NOVA2: variants seen among roughly 807,000 people sequenced by gnomAD.
NOVA2 encodes RNA-binding protein Nova-2.
Under a neutral mutation model 22.5 loss-of-function variants are expected in NOVA2, and 9 were observed. The observed-to-expected ratio is 0.40, with a 90% CI of 0.24 to 0.70. The LOEUF (loss-of-function observed/expected upper bound fraction) is 0.70, where lower values mean the gene tolerates loss of function less well. Ranked by LOEUF, NOVA2 falls within the 30% of genes least tolerant of loss-of-function variation. NOVA2 has a pLI of 0.38. For missense variants in NOVA2, 383 were observed against 682.8 expected, an observed-to-expected ratio of 0.56 and a Z score of 4.89; for synonymous variants, 318 against 335.2, an observed-to-expected ratio of 0.95 and a Z score of 0.56.
Position 45,940,554 on chromosome 19 carries a change from GC to G in NOVA2, c.787del (p.Ala263ProfsTer133). On this transcript the variant is annotated frameshift_variant, in exon 4 of 4. Transcript: ENST00000263257. LOFTEE classifies it low-confidence loss of function (END_TRUNC). The stretch of plus-strand genomic sequence containing the variant: ...GAAGGCGGGCAGCGCGGCGGGAAAG[GC>G]CCCCACGCCAGCCAGCCCGGCGGGG... ...LGPAGLAGVG[A>X]FPAALPAFSG... The G allele has an allele frequency of 6.8e-7, 1 of 1,470,936 alleles. No individual in the cohort carries two copies. 91.1% of individuals were successfully genotyped at this position (1,470,936 alleles called of 1,614,324 possible).
chr19:45,949,803 C>T (rs1251093673), intron 3 of NOVA2, among the ~76,000 whole-genome samples: 2 of 147,658 alleles, frequency 1.4e-5, no homozygotes, highest in Non-Finnish European at 3.0e-5. Flanking sequence ...TGCAGTGGTG[C>T]GATCTTGCCT....
rs1354636501 is a variant in NOVA2 at position 45,936,849 on chromosome 19, C to T, written c.*3014G>A. 6.6e-6 allele frequency: 1 copy of T among 151,984 alleles called. No homozygotes were observed. Among genetic ancestry groups the T allele is most frequent in the Non-Finnish European group, 1.5e-5 (1 of 68,006 alleles). The allele number at this position is 151,984 out of a possible 1,614,324, so 9.4% of individuals were successfully genotyped here. A position where few individuals can be genotyped will look rare whatever the true frequency, so the allele number is the denominator to read the frequency against. Reference sequence around the variant, plus strand: ...GCTGAAGAGAAGGGTGCAAGGAGGCCACTCAGAGACTCTGAGATCGGATTG... The same window carrying T: ...GCTGAAGAGAAGGGTGCAAGGAGGCTACTCAGAGACTCTGAGATCGGATTG... On this transcript the variant is annotated 3_prime_UTR_variant, in exon 4 of 4. Transcript: ENST00000263257.
At chr19:45,958,520 AAT>A (rs1297605095) in intron 2 of NOVA2, among the ~76,000 whole-genome samples, 4 of 142,326 alleles carry the variant, frequency 2.8e-5, no homozygotes, top group African/African-American at 5.6e-5. Flanking sequence ...CATGTGTGAC[AAT>A]GTGTGACAGT....
chr19:45,965,131 A>T (rs970974731), intron 1 of NOVA2, among the ~76,000 whole-genome samples: 3 of 151,930 alleles, frequency 2.0e-5, no homozygotes, highest in Non-Finnish European at 4.4e-5. Context: ...CCTCTTCCCC[A>T]CCCTCACCCT....
chr19:45,941,749 TA>T (rs574548961), intron 3 of NOVA2, among the ~76,000 whole-genome samples: 1 of 152,140 alleles, frequency 6.6e-6, no homozygotes, highest in Admixed American at 6.5e-5. Context: ...AAATTTTTTT[TA>T]AAAAAATTGA....
chr19:45,961,179 G>T, intron 1 of NOVA2, 26 bp from the exon 2 acceptor site: 1 of 1,580,178 alleles, frequency 6.3e-7, no homozygotes, highest in Admixed American at 1.8e-5. Flanking sequence ...GGGTGGAGGG[G>T]AGTCAGCGGG....
At chr19:45,971,839 A>C (rs1968236137) in intron 1 of NOVA2, among the ~76,000 whole-genome samples, 2 of 150,332 alleles carry the variant, frequency 1.3e-5, no homozygotes, top group South Asian at 2.1e-4. Context: ...ACCCCAAAAA[A>C]CCCCACCTCT....
chr19:45,959,576 G>A (rs1024352857), intron 2 of NOVA2, among the ~76,000 whole-genome samples: 2 of 151,986 alleles, frequency 1.3e-5, no homozygotes, highest in Non-Finnish European at 1.5e-5. Context: ...GGGGAGTGGG[G>A]AAAACTGGGC....
At chr19:45,971,719 G>A (rs754223434) in intron 1 of NOVA2, among the ~76,000 whole-genome samples, 1 of 152,104 alleles carries the variant, frequency 6.6e-6, no homozygotes, top group Non-Finnish European at 1.5e-5. Flanking sequence ...TCTCCCATCC[G>A]GAGGAAAAGG....
chr19:45,941,344 A>T (rs1447521898), intron 3 of NOVA2, among the ~76,000 whole-genome samples: 1 of 151,172 alleles, frequency 6.6e-6, no homozygotes, highest in Non-Finnish European at 1.5e-5. Context: ...TTGTCTATCT[A>T]TATTAGTAGA....
At chr19:45,944,736 G>A (rs1410361684) in intron 3 of NOVA2, among the ~76,000 whole-genome samples, 1 of 152,178 alleles carries the variant, frequency 6.6e-6, no homozygotes, top group Non-Finnish European at 1.5e-5. Flanking sequence ...AGAATATGCA[G>A]ATCCACAGAG....
intron 2 of NOVA2, among the ~76,000 whole-genome samples, chr19:45,959,318 C>T (rs2146421335): frequency 6.6e-6 from 1 of 152,264 alleles, no homozygotes; most frequent in Admixed American, 6.5e-5. Flanking sequence ...GGGATGGGGG[C>T]TGACCACATG....
At chr19:45,953,202 C>G (rs1201556553) in intron 3 of NOVA2, among the ~76,000 whole-genome samples, 1 of 152,232 alleles carries the variant, frequency 6.6e-6, no homozygotes, top group Admixed American at 6.5e-5. Context: ...CCCTGCCACG[C>G]CCCTATGCCA....
rs1384893675 is a variant in NOVA2 at position 45,937,617 on chromosome 19, C to G, written c.*2246G>C. The stretch of plus-strand genomic sequence containing the variant: ...TTACATCAAGAATTGTTTTGGCACT[C>G]AGATCTCCATCTGGGTTCAGTCTGG... On this transcript the variant is annotated 3_prime_UTR_variant, in exon 4 of 4. Transcript: ENST00000263257. 6.6e-6 allele frequency: 1 copy of G among 151,964 alleles called. No homozygotes were observed. The highest frequency in any genetic ancestry group is 1.9e-4 in the East Asian group (1 of 5,166). The allele number at this position is 151,964 out of a possible 1,614,324, so 9.4% of individuals were successfully genotyped here. A position where few individuals can be genotyped will look rare whatever the true frequency, so the allele number is the denominator to read the frequency against.
In NOVA2 at chr19:45,940,516, G is replaced by A; in HGVS notation, c.826C>T (p.Leu276=). ...AALPAFSGTD[L]LAISTALNTL... is the part of the protein sequence containing the mutation. ...TTAAGCGCCGTGCTGATGGCCAGCA[G>A]GTCGGTGCCTGAGAAGGCGGGCAGC... Residue 276 remains leucine (L), a synonymous_variant, in exon 4 of 4, where the codon CTG becomes TTG. Coordinates refer to ENST00000263257, the MANE Select transcript of NOVA2 (RefSeq NM_002516.4). 1.3e-6 allele frequency: 2 copies of A among 1,515,540 alleles called. No homozygotes were observed. The highest frequency in any genetic ancestry group is 1.8e-6 in the Non-Finnish European group (2 of 1,132,966). The allele number at this position is 1,515,540 out of a possible 1,614,324, so 93.9% of individuals were successfully genotyped here.
rs1332755062 is a variant in NOVA2, at chr19:45,936,709, CCAGA to C, written c.*3150_*3153del. ...AAAAAAAATAGAAAGTCATAGGGAG[CCAGA>C]CAAAGAAAGGGAGGAAGACACTTGG... On this transcript the variant is annotated 3_prime_UTR_variant, in exon 4 of 4. Transcript: ENST00000263257. The C allele has an allele frequency of 1.3e-5, 2 of 151,566 alleles. No homozygotes were observed. Among genetic ancestry groups the C allele is most frequent in the South Asian group, 2.1e-4 (1 of 4,800 alleles). The allele number at this position is 151,566 out of a possible 1,614,324, so 9.4% of individuals were successfully genotyped here. A position where few individuals can be genotyped will look rare whatever the true frequency, so the allele number is the denominator to read the frequency against.
rs556102214 is a variant in NOVA2, at chr19:45,935,169, C to T, written c.*4694G>A. 1.3e-5 allele frequency: 2 copies of T among 151,286 alleles called. No homozygotes were observed. The highest frequency in any genetic ancestry group is 4.2e-4 in the South Asian group (2 of 4,744). The allele number at this position is 151,286 out of a possible 1,614,324, so 9.4% of individuals were successfully genotyped here. A position where few individuals can be genotyped will look rare whatever the true frequency, so the allele number is the denominator to read the frequency against. On this transcript the variant is annotated 3_prime_UTR_variant, in exon 4 of 4. Coordinates refer to ENST00000263257, the MANE Select transcript of NOVA2 (RefSeq NM_002516.4). Reference sequence around the variant, plus strand: ...TGGGGGAGGGGGGGTTAGGCAGTCCCCCCCCAGTTATCTCTGGGAGACAAG... The same window carrying T: ...TGGGGGAGGGGGGGTTAGGCAGTCCTCCCCCAGTTATCTCTGGGAGACAAG...
chr19:45,939,759 G>C lies in NOVA2; in HGVS notation c.*104C>G, dbSNP rs895449072. On this transcript the variant is annotated 3_prime_UTR_variant, in exon 4 of 4. Transcript: ENST00000263257. The stretch of plus-strand genomic sequence containing the variant: ...GGCCTACCCCAGCCCCATCCCAAGA[G>C]GAGCAGGACTACACCAAGCTGAGGT... The C allele has an allele frequency of 1.4e-6, 2 of 1,444,942 alleles. No individual in the cohort carries two copies. The highest frequency in any genetic ancestry group is 1.9e-6 in the Non-Finnish European group (2 of 1,057,606). 89.5% of individuals were successfully genotyped at this position (1,444,942 alleles called of 1,614,324 possible).
chr19:45,955,490 C>G (rs144037106), intron 2 of NOVA2, among the ~76,000 whole-genome samples: 3 of 152,088 alleles, frequency 2.0e-5, no homozygotes, highest in African/African-American at 4.8e-5. Context: ...CTGGGTGAGC[C>G]GGGATGTGTG....
Sources: gnomAD v4.1 joint callset for allele counts (sites outside exome capture counted in the v4.1 genomes callset) on GRCh38, gnomAD v4.1.1 for gene constraint, MANE v1.5 for transcripts, NCBI Gene and HGNC (gene_info 2026-07-23, HGNC 2026-07-21) for gene names.